GNAS: variants seen among roughly 807,000 people sequenced by gnomAD.
GNAS encodes GNAS complex locus, also known as protein ALEX.
In GNAS, 8 loss-of-function variants were observed where a neutral mutation model predicts 54.5. That is an observed-to-expected ratio of 0.15 (90% CI 0.09 to 0.26). The LOEUF is 0.26. GNAS is among the 10% of genes least tolerant of loss of function. GNAS has a pLI of 1.00. For missense variants in GNAS, 170 were observed against 529.8 expected (o/e 0.32, Z 6.67); for synonymous variants, 204 against 191.4 (o/e 1.07, Z -0.54).
chr20:58,900,817 C>T (rs1260891036), intron 3 of GNAS, among the ~76,000 whole-genome samples: 3 of 152,200 alleles, frequency 2.0e-5, no homozygotes, highest in African/African-American at 4.8e-5. Context: ...ATAGTAATTG[C>T]TTCAATGGAA....
At chr20:58,878,921 G>A (rs898169357) in intron 1 of GNAS, among the ~76,000 whole-genome samples, 2 of 129,590 alleles carry the variant, frequency 1.5e-5, no homozygotes, top group African/African-American at 2.9e-5. Flanking sequence ...GTGGGGGGGG[G>A]AGGGAGACAA....
At chr20:58,891,926 C>CCG (rs1265874188) in intron 1 of GNAS, 61 bp downstream of exon 1, 2 of 935,894 alleles carry the variant, frequency 2.1e-6, no homozygotes, top group Non-Finnish European at 2.5e-6. Flanking sequence ...GCCCCGCAGG[C>CCG]CGCGCGCGCC....
At chr20:58,889,153 A>G, upstream of GNAS, 1 of 1,212,602 alleles carries the variant, frequency 8.2e-7, no homozygotes, top group Non-Finnish European at 1.1e-6. Flanking sequence ...GGCCGGTTAG[A>G]AGCTCTGCTC....
chr20:58,840,854 C>A lies in GNAS; in HGVS notation c.11C>A (p.Ala4Asp). ...CATCCGGCGTCACTAATGGAGGACGCCGTCCAGATTCTCCTTGTTTTCATG... is the reference window on the plus strand; with the variant it reads ...CATCCGGCGTCACTAATGGAGGACGACGTCCAGATTCTCCTTGTTTTCATG... The change falls in exon 1 of 13, where the codon GCC becomes GAC. Residue 4 changes from alanine (A) to aspartate (D), a missense_variant. Ala to Asp is a moderately radical substitution (Grantham distance 126). Coordinates refer to the GNAS transcript ENST00000306090. The surrounding 1 kb of genome is among the most constrained non-coding windows in gnomAD (Gnocchi z 6.0). The A allele has an allele frequency of 6.2e-7, 1 of 1,612,804 alleles. No homozygotes were observed. The highest frequency in any genetic ancestry group is 1.1e-5 in the South Asian group (1 of 91,076).
At chr20:58,901,876 C>CCTGCTCGT (rs545103571) in intron 3 of GNAS, among the ~76,000 whole-genome samples, 70 of 134,296 alleles carry the variant, frequency 5.2e-4, no homozygotes, top group East Asian at 2.8e-3. Context: ...ACTGCCCTGC[C>CCTGCTCGT]CTGCTCGTCT....
chr20:58,869,481 C>T (rs988302346), intron 1 of GNAS, among the ~76,000 whole-genome samples: 1 of 152,132 alleles, frequency 6.6e-6, no homozygotes, highest in African/African-American at 2.4e-5. Flanking sequence ...CTCTTTCACA[C>T]CTCAATCAAG....
chr20:58,900,207 A>G (rs1181835656), intron 3 of GNAS: 200 of 551,992 alleles, frequency 3.6e-4, no homozygotes, highest in Non-Finnish European at 4.5e-5. Flanking sequence ...AGAAATGACT[A>G]ATTGACAATC....
intron 6 of GNAS, among the ~76,000 whole-genome samples, 185 bp downstream of exon 6, chr20:58,905,665 T>A (rs2090993722): frequency 6.7e-6 from 1 of 149,466 alleles, no homozygotes; most frequent in Non-Finnish European, 1.5e-5. Context: ...TTAATTGCAT[T>A]TTTTTTCTTT....
intron 3 of GNAS, among the ~76,000 whole-genome samples, chr20:58,901,762 A>T (rs1313608154): frequency 6.6e-6 from 1 of 151,938 alleles, no homozygotes; most frequent in Non-Finnish European, 1.5e-5. Context: ...TGTAAGTATA[A>T]TTCTTTGAGA....
chr20:58,855,487 C>T, intron 1 of GNAS: 3 of 768,874 alleles, frequency 3.9e-6, no homozygotes, highest in Non-Finnish European at 6.9e-6. Flanking sequence ...AGGGAGGGAC[C>T]CTAACTGCCC....
At chr20:58,901,876 C>CCTGCT (rs2090637000) in intron 3 of GNAS, among the ~76,000 whole-genome samples, 1 of 134,188 alleles carries the variant, frequency 7.5e-6, no homozygotes, top group South Asian at 2.7e-4. Context: ...ACTGCCCTGC[C>CCTGCT]CTGCTCGTCT....
intron 1 of GNAS, chr20:58,855,574 G>A (rs1309598316): frequency 1.4e-6 from 1 of 717,860 alleles, no homozygotes; most frequent in South Asian, 1.5e-5. Context: ...GGTGCCGAGC[G>A]ACACTGAGGG....
At chr20:58,868,949 G>A (rs567381469) in intron 1 of GNAS, among the ~76,000 whole-genome samples, 5 of 152,152 alleles carry the variant, frequency 3.3e-5, no homozygotes, top group East Asian at 3.8e-4. Context: ...CCCTTGCGCC[G>A]GCGCCTAAGG....
chr20:58,844,423 G>A (rs1472573428), intron 1 of GNAS, among the ~76,000 whole-genome samples: 1 of 152,174 alleles, frequency 6.6e-6, no homozygotes, highest in Non-Finnish European at 1.5e-5. Context: ...GTGGGGTTTT[G>A]ACACTAATGA....
upstream of GNAS, chr20:58,889,372 G>C (rs1199466209): frequency 1.0e-6 from 1 of 983,942 alleles, no homozygotes; most frequent in Admixed American, 6.2e-5. Flanking sequence ...GGGAGCGCCG[G>C]GGCCTCCCGC....
In GNAS at chr20:58,863,201, A is replaced by T. The variant is rs2086871635; in HGVS notation, c.43+22315A>T. Among the ~76,000 whole-genome samples the T allele has an allele frequency of 2.0e-5, 3 of 152,192 alleles. No homozygotes were observed. The highest frequency in any genetic ancestry group is 1.3e-4 in the Admixed American group (2 of 15,274). ...AGTGGAGCGCTTTTCTACATGCAAC[A>T]ACTGGGAGCTATGCTATGGGAAGAA... On this transcript the variant is annotated intron_variant, in intron 1 of 12. Coordinates refer to the GNAS transcript ENST00000306090. The surrounding 1 kb of genome is among the most constrained non-coding windows in gnomAD (Gnocchi z 4.1).
chr20:58,902,808 T>C (rs2090750443), intron 3 of GNAS, among the ~76,000 whole-genome samples: 1 of 137,458 alleles, frequency 7.3e-6, no homozygotes, highest in Non-Finnish European at 1.5e-5. Context: ...CTCAGCTTAC[T>C]GCAACCTCCG....
intron 5 of GNAS, 67 bp downstream of exon 5, chr20:58,903,858 A>G: frequency 1.9e-6 from 3 of 1,558,084 alleles, no homozygotes; most frequent in Admixed American, 1.7e-5. Flanking sequence ...ATATAGGAAC[A>G]TGAGTGACAG....
chr20:58,907,634 T>G (rs915790352), intron 6 of GNAS, among the ~76,000 whole-genome samples: 9 of 152,238 alleles, frequency 5.9e-5, no homozygotes, highest in Non-Finnish European at 1.2e-4. Context: ...TAGAAGTTTT[T>G]GGGGTTTTTT....
Sources: gnomAD v4.1 joint callset for allele counts (sites outside exome capture counted in the v4.1 genomes callset) on GRCh38, gnomAD v4.1.1 for gene constraint, Gnocchi (gnomAD v3.1) non-coding constraint, MANE v1.5 for transcripts, NCBI Gene and HGNC (gene_info 2026-07-23, HGNC 2026-07-21) for gene names.